P2RY14: variants seen among roughly 807,000 people sequenced by gnomAD.
The protein encoded by P2RY14 is P2Y purinoceptor 14.
In P2RY14, 2 loss-of-function variants were observed where a neutral mutation model predicts 0.9. The observed-to-expected ratio is 2.16, with a 90% CI of 0.88 to 6.79. The LOEUF is 6.79. Among genes scored for constraint, P2RY14 ranks in the 30% most tolerant of loss-of-function variants. The pLI is 0.05. For synonymous variants in P2RY14, 158 were observed against 147.2 expected (o/e 1.07, Z -0.53); for missense variants, 378 against 400.1 (o/e 0.94, Z 0.47).
chr3:151,227,552 C>CT (rs1730783586), intron 1 of P2RY14, among the ~76,000 whole-genome samples: 1 of 152,236 alleles, frequency 6.6e-6, no homozygotes, highest in Non-Finnish European at 1.5e-5. Context: ...ATTGGCATGT[C>CT]TAAGAACTCC....
intron 1 of P2RY14, among the ~76,000 whole-genome samples, chr3:151,258,352 A>G (rs1467793396): frequency 1.3e-5 from 2 of 152,158 alleles, no homozygotes; most frequent in Non-Finnish European, 2.9e-5. Flanking sequence ...AATTTTTAGT[A>G]CTTTCTAATG....
intron 1 of P2RY14, among the ~76,000 whole-genome samples, chr3:151,247,554 T>C (rs1418749615): frequency 1.4e-5 from 2 of 145,974 alleles, no homozygotes; most frequent in African/African-American, 2.6e-5. Context: ...TAGGTGGGAA[T>C]TGAACAATGA....
intron 1 of P2RY14, among the ~76,000 whole-genome samples, chr3:151,273,033 C>T (rs1741240572): frequency 6.6e-6 from 1 of 152,080 alleles, no homozygotes; most frequent in African/African-American, 2.4e-5. Context: ...TAGGGATTCT[C>T]ATCTGCTAAG....
At chr3:151,231,281 G>A (rs1731617836) in intron 1 of P2RY14, among the ~76,000 whole-genome samples, 2 of 152,216 alleles carry the variant, frequency 1.3e-5, no homozygotes. Flanking sequence ...CAGGCAATAA[G>A]CTTCAATTGT....
chr3:151,230,129 C>G (rs1251666829), intron 1 of P2RY14, among the ~76,000 whole-genome samples: 1 of 152,138 alleles, frequency 6.6e-6, no homozygotes, highest in Non-Finnish European at 1.5e-5. Context: ...GCCACCACGC[C>G]TGGCTAATTT....
intron 1 of P2RY14, among the ~76,000 whole-genome samples, chr3:151,276,746 T>C (rs1029007640): frequency 1.3e-5 from 2 of 152,178 alleles, no homozygotes; most frequent in Non-Finnish European, 2.9e-5. Context: ...TTGCTCAGGA[T>C]AGTCACACCC....
At chr3:151,262,025 C>G (rs1244120039) in intron 1 of P2RY14, among the ~76,000 whole-genome samples, 2 of 152,168 alleles carry the variant, frequency 1.3e-5, no homozygotes, top group Admixed American at 1.3e-4. Context: ...CTGCACTCAG[C>G]TGAAGGGGTA....
chr3:151,248,297 T>C lies in P2RY14; in HGVS notation c.-132-28655A>G, dbSNP rs145014816. ...CTTTCCTTTGAAAATAAATTGTGAC[T>C]CACCATTAAATCCATACCAGTGACC... is the stretch of plus-strand genomic sequence containing the variant. On this transcript the variant is annotated intron_variant, in intron 1 of 2. Coordinates refer to ENST00000309170, the MANE Select transcript of P2RY14 (RefSeq NM_014879.4). 3.3e-5 allele frequency among the ~76,000 whole-genome samples: 5 copies of C among 152,294 alleles called. No individual in the cohort carries two copies. The East Asian group carries it at 9.6e-4, about 29-fold the overall frequency.
chr3:151,264,411 A>G (rs1739455477), intron 1 of P2RY14, among the ~76,000 whole-genome samples: 1 of 152,242 alleles, frequency 6.6e-6, no homozygotes, highest in African/African-American at 2.4e-5. Flanking sequence ...TCAGTTAGGA[A>G]AGAAGAAACT....
At chr3:151,249,642 C>G (rs1246478649) in intron 1 of P2RY14, among the ~76,000 whole-genome samples, 1 of 152,158 alleles carries the variant, frequency 6.6e-6, no homozygotes, top group African/African-American at 2.4e-5. Flanking sequence ...ATCTGTTATC[C>G]TGACACATTT....
At chr3:151,244,636 A>G (rs1197352625) in intron 1 of P2RY14, among the ~76,000 whole-genome samples, 4 of 151,074 alleles carry the variant, frequency 2.6e-5, no homozygotes, top group African/African-American at 9.7e-5. Flanking sequence ...AGGGAAATTT[A>G]TAGCACTAAA....
At chr3:151,252,804 A>G (rs899160307) in intron 1 of P2RY14, among the ~76,000 whole-genome samples, 1 of 152,272 alleles carries the variant, frequency 6.6e-6, no homozygotes, top group East Asian at 1.9e-4. Flanking sequence ...TCTAGAACTT[A>G]TCTAGAAAAC....
chr3:151,239,450 A>C (rs938637737), intron 1 of P2RY14, among the ~76,000 whole-genome samples: 3 of 152,234 alleles, frequency 2.0e-5, no homozygotes, highest in Non-Finnish European at 2.9e-5. Context: ...TGGACATGGA[A>C]GTGGATATGA....
intron 1 of P2RY14, chr3:151,269,957 A>G: frequency 2.5e-6 from 1 of 399,920 alleles, no homozygotes; most frequent in South Asian, 1.9e-5. Flanking sequence ...TAATACTTGG[A>G]CAAATCCATT....
chr3:151,230,323 A>T (rs1464129050), intron 1 of P2RY14, among the ~76,000 whole-genome samples: 1 of 152,192 alleles, frequency 6.6e-6, no homozygotes, highest in Non-Finnish European at 1.5e-5. Context: ...TCCACTTGTG[A>T]TATTTCACCT....
intron 1 of P2RY14, among the ~76,000 whole-genome samples, chr3:151,274,052 A>G (rs1741451426): frequency 1.3e-5 from 2 of 151,634 alleles, no homozygotes; most frequent in South Asian, 2.1e-4. Flanking sequence ...GAGAAACTGG[A>G]TTTGACTGGC....
intron 1 of P2RY14, chr3:151,261,243 C>CA (rs1378491524): frequency 5.4e-4 from 80 of 149,358 alleles, no homozygotes; most frequent in African/African-American, 1.5e-3. Context: ...ATGGAGAGAC[C>CA]AAAAAAAAAC....
Position 151,214,133 on chromosome 3 carries a change from T to TTCA in P2RY14, c.183_184insTGA (p.Lys61_Asn62insTer). 1.9e-6 allele frequency: 3 copies of TTCA among 1,614,028 alleles called. No homozygotes were observed. The highest frequency in any genetic ancestry group is 2.5e-6 in the Non-Finnish European group (3 of 1,179,954). ...ATCACAAAGTCAGCAATAACAATGT[T>TTCA]CTTGAGATAGATGATGAAACTCTTA... is the stretch of plus-strand genomic sequence containing the variant. On this transcript the variant is annotated stop_gained and inframe_insertion, in exon 3 of 3. Coordinates refer to ENST00000309170, the MANE Select transcript of P2RY14 (RefSeq NM_014879.4). LOFTEE classifies it low-confidence loss of function (END_TRUNC).
intron 1 of P2RY14, chr3:151,270,046 A>G (rs781315229): frequency 4.3e-6 from 1 of 231,754 alleles, no homozygotes; most frequent in Non-Finnish European, 8.4e-6. Context: ...GAAGATATTG[A>G]TAAAGAAAGG....
Sources: gnomAD v4.1 joint callset for allele counts (sites outside exome capture counted in the v4.1 genomes callset) on GRCh38, gnomAD v4.1.1 for gene constraint, MANE v1.5 for transcripts, NCBI Gene and HGNC (gene_info 2026-07-23, HGNC 2026-07-21) for gene names.